The following SATB2 variants were observed in gnomAD, a reference collection of about 807,000 sequenced individuals.
SATB2 encodes the protein DNA-binding protein SATB2.
Under a neutral mutation model 73.4 loss-of-function variants are expected in SATB2, and 1 was observed. That is an observed-to-expected ratio of 0.01 (90% CI 0.00 to 0.06). The LOEUF (loss-of-function observed/expected upper bound fraction) is 0.06, where lower values mean the gene tolerates loss of function less well. Ranked by LOEUF, SATB2 falls within the 10% of genes least tolerant of loss-of-function variation. The pLI is 1.00. For missense variants in SATB2, 459 were observed against 945.8 expected, an observed-to-expected ratio of 0.49 and a Z score of 6.75; for synonymous variants, 397 against 367.0, an observed-to-expected ratio of 1.08 and a Z score of -0.93.
intron 1 of SATB2, among the ~76,000 whole-genome samples, chr2:199,456,983 G>GA (rs972820223): frequency 6.7e-6 from 1 of 149,966 alleles, no homozygotes; most frequent in South Asian, 2.2e-4. Flanking sequence ...GGTGGGGGGG[G>GA]GCGGGGAAGG....
rs1692525220 is a variant in SATB2 at position 199,463,474 on chromosome 2, C to G, written c.-141+1362G>C. On this transcript the variant is annotated intron_variant, in intron 1 of 11. Coordinates refer to the SATB2 transcript ENST00000260926. The surrounding 1 kb of genome is among the most constrained non-coding windows in gnomAD (Gnocchi z 6.4). The stretch of plus-strand genomic sequence containing the variant: ...GGCCCAAGGTGGCTGCGAAGAGCCC[C>G]GAGGCCTCGGCTTGGCGTCAATGTC... 2.0e-5 allele frequency among the ~76,000 whole-genome samples: 3 copies of G among 152,172 alleles called. No individual in the cohort carries two copies. The highest frequency in any genetic ancestry group is 6.5e-5 in the Admixed American group (1 of 15,286).
intron 3 of SATB2, among the ~76,000 whole-genome samples, chr2:199,431,395 G>T (rs902355008): frequency 2.0e-5 from 3 of 152,050 alleles, no homozygotes; most frequent in Admixed American, 2.0e-4. Context: ...AAAACAAACT[G>T]ATTTTTTTCT....
intron 2 of SATB2, among the ~76,000 whole-genome samples, chr2:199,451,348 GAA>G (rs929268871): frequency 6.6e-6 from 1 of 151,228 alleles, no homozygotes; most frequent in African/African-American, 2.4e-5. Flanking sequence ...ACACTTTAGA[GAA>G]GAGTTATTTT....
chr2:199,284,509 T>G (rs1230350818), intron 10 of SATB2, among the ~76,000 whole-genome samples: 3 of 152,206 alleles, frequency 2.0e-5, no homozygotes, highest in African/African-American at 7.2e-5. Flanking sequence ...CACATCTACC[T>G]GAGGCTGGAT....
intron 3 of SATB2, among the ~76,000 whole-genome samples, chr2:199,389,561 A>G (rs1690062555): frequency 6.6e-6 from 1 of 152,198 alleles, no homozygotes; most frequent in Admixed American, 6.5e-5. Flanking sequence ...CTGAACATAT[A>G]CTGTCATATG....
At chr2:199,431,589 G>C (rs1176579837) in intron 3 of SATB2, among the ~76,000 whole-genome samples, 1 of 152,162 alleles carries the variant, frequency 6.6e-6, no homozygotes, top group Non-Finnish European at 1.5e-5. Flanking sequence ...CTTGTTCCCT[G>C]TTTAATAATC....
chr2:199,413,400 G>C (rs933333581), intron 3 of SATB2, among the ~76,000 whole-genome samples: 4 of 152,062 alleles, frequency 2.6e-5, no homozygotes, highest in Non-Finnish European at 5.9e-5. Flanking sequence ...AACCTAAAAT[G>C]GAGACTGCTC....
At chr2:199,385,593 A>G (rs1450759366) in intron 3 of SATB2, among the ~76,000 whole-genome samples, 2 of 152,188 alleles carry the variant, frequency 1.3e-5, no homozygotes, top group East Asian at 1.9e-4. Flanking sequence ...TCCATGAGGA[A>G]ATGGAGATTC....
chr2:199,295,546 G>A (rs1433597567), intron 10 of SATB2, among the ~76,000 whole-genome samples: 1 of 152,054 alleles, frequency 6.6e-6, no homozygotes, highest in Non-Finnish European at 1.5e-5. Context: ...TTAACAATTG[G>A]CTTCTGCAAG....
At chr2:199,459,314 C>G (rs1316864393), upstream of SATB2, among the ~76,000 whole-genome samples, 2 of 151,992 alleles carry the variant, frequency 1.3e-5, no homozygotes, top group Non-Finnish European at 2.9e-5. This position sits in a 1 kb window ranked among gnomAD's most constrained non-coding sequence, Gnocchi z 4.2. Context: ...AAACTTTTGC[C>G]GACTCCCGCG....
At chr2:199,365,760 C>G (rs1056527039) in intron 6 of SATB2, among the ~76,000 whole-genome samples, 1 of 152,134 alleles carries the variant, frequency 6.6e-6, no homozygotes. Flanking sequence ...TTTATTTCAG[C>G]ATTGACTATA....
chr2:199,316,278 A>G (rs1687733886), intron 9 of SATB2, among the ~76,000 whole-genome samples: 1 of 152,090 alleles, frequency 6.6e-6, no homozygotes, highest in South Asian at 2.1e-4. Flanking sequence ...ATTAAAATAA[A>G]TAAACCCCCT....
At position 199,270,228 on chromosome 2, in the gene SATB2, A is replaced by G. The variant is rs1692112583; in HGVS notation, c.*1983T>C. The G allele has an allele frequency of 6.5e-6, 1 of 152,752 alleles. No homozygotes were observed. The highest frequency in any genetic ancestry group is 6.5e-5 in the Admixed American group (1 of 15,270). The allele number at this position is 152,752 out of a possible 1,614,324, so 9.5% of individuals were successfully genotyped here. ...GCTTATGTCAAGATAATTTTTAAAC[A>G]TCATTATTTGAAAAAGTACAGGAAA... On this transcript the variant is annotated 3_prime_UTR_variant, in exon 11 of 11. Coordinates refer to ENST00000417098, the MANE Select transcript of SATB2 (RefSeq NM_001172509.2).
At chr2:199,384,736 C>A (rs1215721472) in intron 3 of SATB2, among the ~76,000 whole-genome samples, 1 of 152,132 alleles carries the variant, frequency 6.6e-6, no homozygotes, top group Non-Finnish European at 1.5e-5. Context: ...ACTTAAAATT[C>A]TCCATACCTC....
chr2:199,410,421 A>G (rs1310594285), intron 3 of SATB2, among the ~76,000 whole-genome samples: 7 of 152,220 alleles, frequency 4.6e-5, no homozygotes, highest in African/African-American at 1.4e-4. Flanking sequence ...TTAAACTGAT[A>G]TTACTGATCA....
chr2:199,439,895 G>A (rs1336942965), intron 2 of SATB2, among the ~76,000 whole-genome samples: 1 of 152,138 alleles, frequency 6.6e-6, no homozygotes, highest in Non-Finnish European at 1.5e-5. Flanking sequence ...CCTGAGGTCA[G>A]GAGTTCGAGA....
In SATB2 at chr2:199,324,430, A is replaced by G. The variant is rs569435067; in HGVS notation, c.1387-472T>C. ...CTCTTATTCTTTATTAAAGCTTTAC[A>G]TATGTCATTCGAGTATGTATGGTTT... On this transcript the variant is annotated intron_variant, in intron 8 of 10. Coordinates refer to ENST00000417098, the MANE Select transcript of SATB2 (RefSeq NM_001172509.2). Among the ~76,000 whole-genome samples the G allele has an allele frequency of 4.6e-5, 7 of 152,262 alleles. No individual in the cohort carries two copies. In the East Asian group the frequency reaches 1.4e-3, roughly 29 times the overall value.
intron 6 of SATB2, among the ~76,000 whole-genome samples, chr2:199,362,123 G>A (rs1195336170): frequency 2.6e-5 from 4 of 152,086 alleles, no homozygotes; most frequent in Non-Finnish European, 5.9e-5. Context: ...CTGATCAAAA[G>A]CTTAGCCATT....
chr2:199,387,960 T>G (rs546927560), intron 3 of SATB2, among the ~76,000 whole-genome samples: 3 of 152,244 alleles, frequency 2.0e-5, no homozygotes, highest in Non-Finnish European at 4.4e-5. Flanking sequence ...TTTGTGTTCA[T>G]GTTTTTGGTA....
Sources: gnomAD v4.1 joint callset for allele counts (sites outside exome capture counted in the v4.1 genomes callset) on GRCh38, gnomAD v4.1.1 for gene constraint, Gnocchi (gnomAD v3.1) non-coding constraint, MANE v1.5 for transcripts, NCBI Gene and HGNC (gene_info 2026-07-23, HGNC 2026-07-21) for gene names.